Variants in REC114 observed in about 807,000 individuals in gnomAD.
REC114 encodes REC114 meiotic recombination protein.
A neutral mutation model predicts 31.3 loss-of-function variants in REC114; 27 were observed. The ratio of observed to expected loss-of-function variants is 0.86; its 90% CI spans 0.64 to 1.19. The LOEUF (loss-of-function observed/expected upper bound fraction) is 1.19, where lower values mean the gene tolerates loss of function less well. Ranked by LOEUF, REC114 falls within the 50% of genes most tolerant of loss-of-function variation. The pLI is 0.00. For synonymous variants in REC114, 134 were observed against 127.7 expected (o/e 1.05, Z -0.33); for missense variants, 344 against 326.9 (o/e 1.05, Z -0.40).
At chr15:73,462,334 T>A (rs1332088767) in intron 1 of REC114, among the ~76,000 whole-genome samples, 1 of 152,142 alleles carries the variant, frequency 6.6e-6, no homozygotes, top group Non-Finnish European at 1.5e-5. Context: ...ATAAGCAATT[T>A]TTTTTTCTCA....
chr15:73,509,431 A>G (rs1324623932), intron 2 of REC114, among the ~76,000 whole-genome samples: 1 of 150,518 alleles, frequency 6.6e-6, no homozygotes, highest in Non-Finnish European at 1.5e-5. Context: ...GCTGTGCAGA[A>G]GCTCTTTATT....
chr15:73,519,896 C>A (rs1406839043), intron 2 of REC114, among the ~76,000 whole-genome samples: 1 of 152,198 alleles, frequency 6.6e-6, no homozygotes, highest in Non-Finnish European at 1.5e-5. Context: ...TGTATGATTC[C>A]TCTTATATGA....
At chr15:73,480,962 G>A (rs1286603985) in intron 2 of REC114, among the ~76,000 whole-genome samples, 5 of 152,268 alleles carry the variant, frequency 3.3e-5, no homozygotes, top group African/African-American at 4.8e-5. Context: ...ACAGGCCACC[G>A]CACCTGGCCT....
chr15:73,516,712 C>CTG (rs1450443270), intron 2 of REC114, among the ~76,000 whole-genome samples: 2 of 152,192 alleles, frequency 1.3e-5, no homozygotes, highest in Non-Finnish European at 2.9e-5. Context: ...CCTGCAACCT[C>CTG]TGCCTCCTGG....
At chr15:73,540,452 T>G (rs974453586) in intron 2 of REC114, 33 bp from the exon 3 acceptor site, 7 of 1,502,678 alleles carry the variant, frequency 4.7e-6, no homozygotes, top group Non-Finnish European at 6.5e-6. Context: ...TATTTTTGTT[T>G]CTGTTGCTAA....
rs527959523 is a variant in REC114 at position 73,559,713 on chromosome 15, T to C, written c.637-39T>C. ...TGTTCTATTAGCCAGGTATTGCTTT[T>C]ACCTGTAATCTGTAACGACTTTTCT... On this transcript the variant is annotated intron_variant, in intron 5 of 5. Transcript: ENST00000331090. The C allele has an allele frequency of 3.7e-5, 55 of 1,499,862 alleles. No individual in the cohort carries two copies. In the South Asian group the frequency reaches 7.5e-4, roughly 21 times the overall value. The allele number at this position is 1,499,862 out of a possible 1,614,324, so 92.9% of individuals were successfully genotyped here.
intron 3 of REC114, among the ~76,000 whole-genome samples, chr15:73,541,683 A>G (rs372671233): frequency 4.1e-4 from 63 of 152,334 alleles, no homozygotes; most frequent in African/African-American, 1.4e-3. Context: ...TTAAGCCAAT[A>G]GCCCAGGTTA....
At chr15:73,511,218 A>G (rs1294093954) in intron 2 of REC114, among the ~76,000 whole-genome samples, 1 of 152,108 alleles carries the variant, frequency 6.6e-6, no homozygotes, top group Non-Finnish European at 1.5e-5. Context: ...TAGATTTTCT[A>G]GTTTATTTGC....
At chr15:73,491,715 T>C (rs1893450210) in intron 2 of REC114, among the ~76,000 whole-genome samples, 1 of 152,010 alleles carries the variant, frequency 6.6e-6, no homozygotes, top group African/African-American at 2.4e-5. Flanking sequence ...CTGACCAACA[T>C]AGTGAAACCT....
At chr15:73,456,396 TA>T (rs767781952) in intron 1 of REC114, among the ~76,000 whole-genome samples, 113 of 152,178 alleles carry the variant, frequency 7.4e-4, no homozygotes, top group Non-Finnish European at 1.2e-3. Context: ...GAACTTAAAA[TA>T]ATTGCCCTAC....
At chr15:73,532,305 G>T (rs1269314849) in intron 2 of REC114, among the ~76,000 whole-genome samples, 1 of 147,910 alleles carries the variant, frequency 6.8e-6, no homozygotes, top group African/African-American at 2.5e-5. Context: ...CCCTACAAAG[G>T]ACATGAACTC....
chr15:73,532,447 G>A (rs1435596010), intron 2 of REC114, among the ~76,000 whole-genome samples: 6 of 151,218 alleles, frequency 4.0e-5, no homozygotes, highest in East Asian at 3.9e-4. Context: ...GTAAACATAC[G>A]TGTGCATGTG....
chr15:73,480,644 C>G (rs1270710559), intron 2 of REC114, among the ~76,000 whole-genome samples: 1 of 152,016 alleles, frequency 6.6e-6, no homozygotes, highest in African/African-American at 2.4e-5. Context: ...ATTTACACAC[C>G]CTCTCCTTTC....
intron 2 of REC114, among the ~76,000 whole-genome samples, chr15:73,516,708 A>G (rs1595875573): frequency 6.6e-6 from 1 of 152,066 alleles, no homozygotes; most frequent in African/African-American, 2.4e-5. Context: ...GCTCCCTGCA[A>G]CCTCTGCCTC....
chr15:73,465,696 T>C (rs139447755), intron 1 of REC114, among the ~76,000 whole-genome samples: 558 of 152,334 alleles, frequency 3.7e-3, no homozygotes, highest in African/African-American at 0.013. Flanking sequence ...TTTTCTGAAA[T>C]AATCAAGTTA....
intron 2 of REC114, among the ~76,000 whole-genome samples, chr15:73,537,178 C>T (rs1440719903): frequency 1.3e-5 from 2 of 152,154 alleles, no homozygotes; most frequent in African/African-American, 4.8e-5. Context: ...TTAAGGAAAT[C>T]ACTACAAACA....
chr15:73,557,387 C>T (rs930129210), intron 5 of REC114, among the ~76,000 whole-genome samples: 2 of 148,358 alleles, frequency 1.3e-5, no homozygotes, highest in African/African-American at 5.0e-5. Context: ...CTTTTAATCC[C>T]TCCACTAAAC....
chr15:73,534,869 T>A (rs1894133578), intron 2 of REC114, among the ~76,000 whole-genome samples: 1 of 143,968 alleles, frequency 6.9e-6, no homozygotes, highest in African/African-American at 2.7e-5. Flanking sequence ...GCAAGGCTGG[T>A]TCAATATACG....
At chr15:73,492,928 C>G (rs1363159920) in intron 2 of REC114, among the ~76,000 whole-genome samples, 2 of 151,980 alleles carry the variant, frequency 1.3e-5, no homozygotes, top group Non-Finnish European at 2.9e-5. Flanking sequence ...GTATCTGTTG[C>G]AATCTTCTGC....
Sources: gnomAD v4.1 joint callset for allele counts (sites outside exome capture counted in the v4.1 genomes callset) on GRCh38, gnomAD v4.1.1 for gene constraint, MANE v1.5 for transcripts, NCBI Gene and HGNC (gene_info 2026-07-23, HGNC 2026-07-21) for gene names.